Variants in NRXN3 observed in about 807,000 individuals in gnomAD.
NRXN3 encodes the protein neurexin 3.
In NRXN3, 32 loss-of-function variants were observed where a neutral mutation model predicts 137.6. The ratio of observed to expected loss-of-function variants is 0.23; its 90% CI spans 0.18 to 0.31. The LOEUF (loss-of-function observed/expected upper bound fraction) is 0.31. NRXN3 is among the 10% of genes least tolerant of loss of function. The probability of loss-of-function intolerance (pLI) is 1.00; values close to 1 mark genes in which losing one functional copy is unlikely to be tolerated. For synonymous variants in NRXN3, 798 were observed against 784.5 expected (o/e 1.02, Z -0.29); for missense variants, 1,574 against 2,062.5 (o/e 0.76, Z 4.59).
At chr14:79,616,384 A>C (rs566584185) in intron 16 of NRXN3, among the ~76,000 whole-genome samples, 209 of 151,994 alleles carry the variant, frequency 1.4e-3, no homozygotes, top group African/African-American at 4.8e-3. Flanking sequence ...TGGTGAATCT[A>C]CTCTTCTAAC....
chr14:79,545,300 C>T (rs963811380), intron 16 of NRXN3, among the ~76,000 whole-genome samples: 1 of 152,176 alleles, frequency 6.6e-6, no homozygotes, highest in Non-Finnish European at 1.5e-5. Context: ...CTCTCGGGAA[C>T]AATCTACTTC....
At chr14:79,371,064 G>A (rs188987723) in intron 15 of NRXN3, among the ~76,000 whole-genome samples, 10 of 152,210 alleles carry the variant, frequency 6.6e-5, no homozygotes, top group Admixed American at 5.2e-4. Context: ...GAGAAAAATG[G>A]CAATGCTCAA....
chr14:79,790,070 A>G (rs1436661286), intron 19 of NRXN3, among the ~76,000 whole-genome samples: 1 of 152,166 alleles, frequency 6.6e-6, no homozygotes, highest in Non-Finnish European at 1.5e-5. Flanking sequence ...AAGATATTTA[A>G]TCAAAAATAT....
intron 19 of NRXN3, among the ~76,000 whole-genome samples, chr14:79,751,799 C>T (rs1048753343): frequency 6.5e-3 from 967 of 148,744 alleles, no homozygotes; most frequent in Middle Eastern, 0.015. Context: ...TGAATTTTGT[C>T]AAAGGCCTTT....
chr14:79,265,427 C>G (rs1376055489), intron 15 of NRXN3, among the ~76,000 whole-genome samples: 1 of 151,848 alleles, frequency 6.6e-6, no homozygotes, highest in African/African-American at 2.4e-5. Flanking sequence ...TACACCCCAC[C>G]CCCAGTTACC....
At chr14:78,596,948 A>G (rs2097162122) in intron 4 of NRXN3, among the ~76,000 whole-genome samples, 1 of 152,256 alleles carries the variant, frequency 6.6e-6, no homozygotes, top group African/African-American at 2.4e-5. Context: ...TAGCAAAGAG[A>G]AAGCTGCAAA....
intron 19 of NRXN3, among the ~76,000 whole-genome samples, chr14:79,740,720 A>T (rs1169552952): frequency 2.7e-4 from 4 of 14,970 alleles, no homozygotes; most frequent in African/African-American, 1.1e-3. Context: ...TTTTATATAT[A>T]TATATATATA....
chr14:78,873,184 T>C (rs185416930), intron 10 of NRXN3, among the ~76,000 whole-genome samples: 1 of 149,820 alleles, frequency 6.7e-6, no homozygotes, highest in East Asian at 1.9e-4. Context: ...AGCTTTCCAC[T>C]TTTTTCTGTC....
At chr14:79,487,342 A>G (rs1159745703) in intron 16 of NRXN3, among the ~76,000 whole-genome samples, 1 of 151,282 alleles carries the variant, frequency 6.6e-6, no homozygotes, top group Admixed American at 6.6e-5. Flanking sequence ...TTCTTGTGCT[A>G]CATGTTTCAC....
chr14:78,775,647 G>T lies in NRXN3; in HGVS notation c.2045-27973G>T, dbSNP rs561469768. ...CTGACATATTCTGCTAGGTCAATAA[G>T]TATCTCTGATGTGGAAAATAACTAA... On this transcript the variant is annotated intron_variant, in intron 8 of 20. Transcript: ENST00000335750. Among the ~76,000 whole-genome samples the T allele has an allele frequency of 8.6e-4, 131 of 152,268 alleles. 1 individual carries two copies. The highest frequency in any genetic ancestry group is 3.1e-3 in the African/African-American group (129 of 41,568).
intron 4 of NRXN3, among the ~76,000 whole-genome samples, chr14:78,326,763 G>A (rs541252650): frequency 1.3e-5 from 2 of 152,286 alleles, no homozygotes; most frequent in African/African-American, 4.8e-5. Flanking sequence ...TCTGTGCTAT[G>A]ATCTGTTCTA....
intron 4 of NRXN3, among the ~76,000 whole-genome samples, chr14:78,634,424 C>T (rs959187916): frequency 6.6e-6 from 1 of 152,182 alleles, no homozygotes; most frequent in African/African-American, 2.4e-5. Context: ...AATTGCTGCT[C>T]ACAGCGTATG....
intron 16 of NRXN3, among the ~76,000 whole-genome samples, chr14:79,508,639 G>A (rs377375178): frequency 5.9e-5 from 9 of 151,576 alleles, no homozygotes; most frequent in South Asian, 2.1e-4. Flanking sequence ...TGATCCGCCC[G>A]CCTCGGCCTT....
intron 15 of NRXN3, among the ~76,000 whole-genome samples, chr14:79,370,796 T>C (rs924093280): frequency 5.9e-5 from 9 of 152,196 alleles, no homozygotes; most frequent in African/African-American, 2.2e-4. Context: ...ACAAGGTGAC[T>C]TAAATTCATT....
At chr14:79,626,670 C>A (rs189932603) in intron 16 of NRXN3, among the ~76,000 whole-genome samples, 2 of 152,190 alleles carry the variant, frequency 1.3e-5, no homozygotes, top group African/African-American at 4.8e-5. Context: ...CAGAAGTTAT[C>A]CTTTATTCAG....
intron 16 of NRXN3, among the ~76,000 whole-genome samples, chr14:79,577,642 T>G (rs1462193485): frequency 6.6e-6 from 1 of 152,202 alleles, no homozygotes; most frequent in African/African-American, 2.4e-5. Flanking sequence ...ACTTTCTGCC[T>G]CATTGGACAA....
At chr14:78,281,634 A>G (rs1596730708) in intron 3 of NRXN3, among the ~76,000 whole-genome samples, 1 of 152,154 alleles carries the variant, frequency 6.6e-6, no homozygotes, top group Non-Finnish European at 1.5e-5. Context: ...GTTCAGAATA[A>G]TAACAGTAAC....
chr14:78,504,756 G>A (rs549267875), intron 4 of NRXN3, among the ~76,000 whole-genome samples: 2 of 152,120 alleles, frequency 1.3e-5, no homozygotes, highest in Non-Finnish European at 2.9e-5. Context: ...TTCCCACTAT[G>A]TGCCACACCC....
At chr14:78,670,572 C>T (rs538533164) in intron 6 of NRXN3, among the ~76,000 whole-genome samples, 1 of 152,236 alleles carries the variant, frequency 6.6e-6, no homozygotes, top group South Asian at 2.1e-4. Context: ...TAGCAGTTAA[C>T]TTTTATTGAG....
Sources: allele counts gnomAD v4.1 joint callset (sites outside exome capture counted in the v4.1 genomes callset), GRCh38; gene constraint gnomAD v4.1.1; transcripts MANE v1.5; gene names NCBI Gene and HGNC (gene_info 2026-07-23, HGNC 2026-07-21).